CCDC178: variants seen among roughly 807,000 people sequenced by gnomAD.
CCDC178 encodes the protein coiled-coil domain-containing protein 178.
A neutral mutation model predicts 117.4 loss-of-function variants in CCDC178; 126 were observed. The observed-to-expected ratio is 1.07, with a 90% CI of 0.93 to 1.24. CCDC178 has a LOEUF of 1.24. Ranked by LOEUF, CCDC178 falls within the 50% of genes most tolerant of loss-of-function variation. The pLI is 0.00. For missense variants in CCDC178, 1,030 were observed against 986.9 expected (o/e 1.04, Z -0.59); for synonymous variants, 283 against 313.4 (o/e 0.90, Z 1.02).
At chr18:33,319,333 T>G (rs556134107) in intron 11 of CCDC178, among the ~76,000 whole-genome samples, 1 of 152,036 alleles carries the variant, frequency 6.6e-6, no homozygotes, top group East Asian at 1.9e-4. Context: ...AGAATGATGG[T>G]TTCCAGCTTC....
intron 21 of CCDC178, among the ~76,000 whole-genome samples, chr18:32,976,771 T>C (rs200631624): frequency 6.6e-6 from 1 of 152,092 alleles, no homozygotes; most frequent in Non-Finnish European, 1.5e-5. Context: ...AAATTTTACT[T>C]GCTTAAAAAA....
intron 20 of CCDC178, among the ~76,000 whole-genome samples, chr18:33,105,705 T>C (rs1031579293): frequency 1.3e-5 from 2 of 151,644 alleles, no homozygotes; most frequent in Non-Finnish European, 3.0e-5. Context: ...AGGTTTCCAG[T>C]TCCTTAAATC....
intron 20 of CCDC178, among the ~76,000 whole-genome samples, chr18:33,100,617 T>C (rs1283892473): frequency 6.6e-6 from 1 of 151,962 alleles, no homozygotes; most frequent in African/African-American, 2.4e-5. Context: ...TCTGGAGATA[T>C]TTCATATAAG....
intron 18 of CCDC178, among the ~76,000 whole-genome samples, chr18:33,222,421 T>C (rs770914594): frequency 4.1e-4 from 63 of 152,062 alleles, no homozygotes; most frequent in Non-Finnish European, 7.4e-4. Context: ...TAGAAATGTA[T>C]GTCTTAAAGT....
intron 5 of CCDC178, among the ~76,000 whole-genome samples, chr18:33,378,183 G>C (rs2063389911): frequency 2.0e-5 from 3 of 152,096 alleles, no homozygotes; most frequent in Admixed American, 6.6e-5. Flanking sequence ...GGCATTCTTA[G>C]ATACTTTATT....
chr18:33,338,638 A>G (rs1005179211), intron 9 of CCDC178, among the ~76,000 whole-genome samples: 1 of 152,134 alleles, frequency 6.6e-6, no homozygotes, highest in Non-Finnish European at 1.5e-5. Flanking sequence ...AAGTGAAGTA[A>G]CCCAGGAATA....
chr18:33,313,415 T>A (rs955346523), intron 11 of CCDC178, among the ~76,000 whole-genome samples: 4 of 152,072 alleles, frequency 2.6e-5, no homozygotes, highest in Middle Eastern at 3.2e-3. Context: ...CCTTCCAGGG[T>A]CCTACTCCTT....
At position 33,389,551 on chromosome 18, in the gene CCDC178, G is replaced by A; in HGVS notation, c.197C>T (p.Thr66Ile). ...CATTCAGTCCTCACCTTCAGTATTT[G>A]TCATTTTACTTTCATGAAAACCTTC... ...NSEGFHESKM[T>I]NTEGVNKGIY... The change falls in exon 5 of 23, where the codon ACA (threonine) becomes ATA (isoleucine). Residue 66 changes from threonine to isoleucine, a missense_variant. Transcript: ENST00000383096. 1.3e-6 allele frequency: 2 copies of A among 1,505,214 alleles called. No individual in the cohort carries two copies. The highest frequency in any genetic ancestry group is 8.9e-7 in the Non-Finnish European group (1 of 1,122,992). 93.2% of individuals were successfully genotyped at this position (1,505,214 alleles called of 1,614,324 possible).
chr18:32,949,672 T>G (rs2054436542), intron 22 of CCDC178, among the ~76,000 whole-genome samples: 1 of 152,172 alleles, frequency 6.6e-6, no homozygotes, highest in Non-Finnish European at 1.5e-5. Flanking sequence ...TTTGCTAATT[T>G]TAACTTCTTT....
intron 20 of CCDC178, among the ~76,000 whole-genome samples, chr18:33,183,845 G>A (rs989350492): frequency 3.3e-5 from 5 of 152,162 alleles, no homozygotes; most frequent in South Asian, 2.1e-4. Context: ...TTCATGATGT[G>A]TTCAGGTAGC....
chr18:33,099,461 T>C (rs1045595305), intron 20 of CCDC178, among the ~76,000 whole-genome samples: 1 of 152,098 alleles, frequency 6.6e-6, no homozygotes, highest in African/African-American at 2.4e-5. Context: ...TCATAGCATG[T>C]ACAGGGGATA....
At chr18:33,191,638 A>G (rs999401846) in intron 20 of CCDC178, among the ~76,000 whole-genome samples, 1 of 152,146 alleles carries the variant, frequency 6.6e-6, no homozygotes, top group African/African-American at 2.4e-5. Context: ...TGCATTGAAG[A>G]GGTTTCATGT....
intron 21 of CCDC178, among the ~76,000 whole-genome samples, chr18:33,013,012 G>A (rs2055903481): frequency 6.6e-6 from 1 of 152,082 alleles, no homozygotes; most frequent in Non-Finnish European, 1.5e-5. Flanking sequence ...ATAAGAGAAT[G>A]GAGGGAAATT....
At chr18:33,367,767 A>G (rs1381051842) in intron 6 of CCDC178, among the ~76,000 whole-genome samples, 2 of 152,000 alleles carry the variant, frequency 1.3e-5, no homozygotes, top group African/African-American at 4.8e-5. Context: ...ACACTAGCAA[A>G]TCTAACTGCA....
intron 20 of CCDC178, among the ~76,000 whole-genome samples, chr18:33,108,888 T>C (rs2057742437): frequency 6.6e-6 from 1 of 151,832 alleles, no homozygotes; most frequent in Non-Finnish European, 1.5e-5. Flanking sequence ...GTTATCTGTG[T>C]TAGGGAAATT....
intron 12 of CCDC178, among the ~76,000 whole-genome samples, chr18:33,278,205 C>T (rs974922537): frequency 1.3e-5 from 2 of 149,824 alleles, no homozygotes; most frequent in African/African-American, 2.4e-5. Context: ...GAAATCATGA[C>T]TTTCCAATGA....
rs563985942 is a variant in CCDC178, at chr18:33,124,625, A to G, written c.2239-31715T>C. 3.3e-5 allele frequency among the ~76,000 whole-genome samples: 5 copies of G among 152,200 alleles called. No homozygotes were observed. In the East Asian group the frequency reaches 9.7e-4, roughly 29 times the overall value. On this transcript the variant is annotated intron_variant, in intron 20 of 22. Transcript: ENST00000383096. ...ACTTTCAGATATATAAATTGTTTGT[A>G]TCTTCTTTCTCTTTCAAAACTTTTG...
intron 21 of CCDC178, among the ~76,000 whole-genome samples, chr18:33,026,532 A>G (rs894547141): frequency 1.3e-5 from 2 of 152,044 alleles, no homozygotes; most frequent in African/African-American, 4.8e-5. Context: ...TTAGAATAGA[A>G]AACAGTATGA....
At chr18:33,240,949 C>G (rs2059480431) in intron 15 of CCDC178, among the ~76,000 whole-genome samples, 1 of 151,608 alleles carries the variant, frequency 6.6e-6, no homozygotes, top group Non-Finnish European at 1.5e-5. Context: ...ATAACTTAAA[C>G]AAAACACTAG....
Sources: allele counts gnomAD v4.1 joint callset (sites outside exome capture counted in the v4.1 genomes callset), GRCh38; gene constraint gnomAD v4.1.1; transcripts MANE v1.5; gene names NCBI Gene and HGNC (gene_info 2026-07-23, HGNC 2026-07-21).